TOM1L2: variants seen among roughly 807,000 people sequenced by gnomAD.
The protein encoded by TOM1L2 is target of myb1 like 2 membrane trafficking protein, also known as TOM1-like protein 2.
TOM1L2 carries 31 observed loss-of-function variants against 67.9 expected under a neutral mutation model. That is an observed-to-expected ratio of 0.46 (90% CI 0.34 to 0.62). The LOEUF (loss-of-function observed/expected upper bound fraction) is 0.62. Among genes scored for constraint, TOM1L2 ranks in the 20% least tolerant of loss-of-function variants. TOM1L2 has a pLI of 0.01. For synonymous variants in TOM1L2, 256 were observed against 254.0 expected (o/e 1.01, Z -0.07); for missense variants, 606 against 663.5 (o/e 0.91, Z 0.95).
rs369528742 is a variant in TOM1L2, at chr17:17,963,139, G to A, written c.52+9123C>T. Among the ~76,000 whole-genome samples the A allele has an allele frequency of 4.3e-4, 66 of 152,090 alleles. 1 individual carries two copies. In the East Asian group the frequency reaches 0.011, roughly 25 times the overall value. The stretch of plus-strand genomic sequence containing the variant: ...AAGATGTGATGGTGCAAGTGTTCTT[G>A]TACTCCCTTCACCACCACAGTTTAC... On this transcript the variant is annotated intron_variant, in intron 1 of 14. Transcript: ENST00000379504.
At position 17,875,289 on chromosome 17, in the gene TOM1L2, A is replaced by T. The variant is rs528882376; in HGVS notation, c.777+4338T>A. Among the ~76,000 whole-genome samples the T allele has an allele frequency of 5.0e-4, 76 of 150,670 alleles. 1 individual carries two copies. Among genetic ancestry groups the T allele is most frequent in the Admixed American group, 1.3e-3 (20 of 15,144 alleles). ...AAAAAGAAAAAAAAAAAAAAAGGAC[A>T]GAAGGTGAGAAGGTGAAAGGAGGGC... On this transcript the variant is annotated intron_variant, in intron 7 of 14. Transcript: ENST00000379504.
chr17:17,929,085 CT>C (rs1302541358), intron 1 of TOM1L2, among the ~76,000 whole-genome samples: 1 of 152,176 alleles, frequency 6.6e-6, no homozygotes, highest in African/African-American at 2.4e-5. Flanking sequence ...CGGGCCTTTC[CT>C]TGGCTACTTA....
intron 2 of TOM1L2, among the ~76,000 whole-genome samples, chr17:17,902,092 C>T (rs1400316379): frequency 6.6e-6 from 1 of 152,194 alleles, no homozygotes; most frequent in Admixed American, 6.5e-5. Flanking sequence ...AGGAGAATTG[C>T]TTGAGCCTGG....
chr17:17,857,847 CAGAAAAGTCTCAGAA>C (rs1264619064), intron 12 of TOM1L2: 2 of 1,535,594 alleles, frequency 1.3e-6, no homozygotes, highest in South Asian at 2.4e-5. Context: ...GGGCCGAGGA[CAGAAAAGTCTCAGAA>C]AGAAAAGTCA....
At chr17:17,962,616 A>G (rs958671099) in intron 1 of TOM1L2, among the ~76,000 whole-genome samples, 5 of 151,974 alleles carry the variant, frequency 3.3e-5, no homozygotes, top group African/African-American at 1.2e-4. Context: ...GACTGGCCCA[A>G]TGTGAATATA....
At position 17,845,777 on chromosome 17, in the gene TOM1L2, G is replaced by C. The variant is rs1222567425; in HGVS notation, c.*1858C>G. On this transcript the variant is annotated 3_prime_UTR_variant, in exon 15 of 15. Transcript: ENST00000379504. ...GTCTTCACATTCAAGCTGGCCTCAG[G>C]GGGGTCTGTCTTTGAGAAACATTGA... 6.6e-6 allele frequency: 1 copy of C among 152,316 alleles called. No homozygotes were observed. The highest frequency in any genetic ancestry group is 2.4e-5 in the African/African-American group (1 of 41,462). 9.4% of individuals were successfully genotyped at this position (152,316 alleles called of 1,614,324 possible).
rs2035583511 is a variant in TOM1L2, at chr17:17,845,280, A to T, written c.*2355T>A. ...GGCCAATGGCCTCCTGCCAGCCCATACAGGTCCACCACTCCCTGCTGCCCC... is the reference window on the plus strand; with the variant it reads ...GGCCAATGGCCTCCTGCCAGCCCATTCAGGTCCACCACTCCCTGCTGCCCC... On this transcript the variant is annotated 3_prime_UTR_variant, in exon 15 of 15. Transcript: ENST00000379504. 1 of 152,180 alleles carries T rather than the reference A, an allele frequency of 6.6e-6. No homozygotes were observed. The highest frequency in any genetic ancestry group is 2.4e-5 in the African/African-American group (1 of 41,450). 9.4% of individuals were successfully genotyped at this position (152,180 alleles called of 1,614,324 possible).
intron 1 of TOM1L2, among the ~76,000 whole-genome samples, chr17:17,944,260 C>T (rs529602661): frequency 9.2e-5 from 14 of 152,352 alleles, no homozygotes; most frequent in African/African-American, 3.1e-4. Context: ...CAGGTGAGGA[C>T]GGCAGGATGC....
intron 4 of TOM1L2, among the ~76,000 whole-genome samples, chr17:17,890,997 G>T (rs912151983): frequency 1.3e-5 from 2 of 152,282 alleles, no homozygotes; most frequent in Middle Eastern, 3.4e-3. Context: ...AGCTCTTCAG[G>T]AACACTGCAA....
chr17:17,863,529 T>C (rs564658164), intron 10 of TOM1L2: 4 of 149,770 alleles, frequency 2.7e-5, no homozygotes, highest in African/African-American at 9.8e-5. Flanking sequence ...ATACCTCAAA[T>C]GCCAGGTAAA....
At chr17:17,892,786 GA>G (rs1395474621) in intron 4 of TOM1L2, among the ~76,000 whole-genome samples, 1 of 152,032 alleles carries the variant, frequency 6.6e-6, no homozygotes, top group African/African-American at 2.4e-5. Context: ...GAATATAACA[GA>G]AAAAAATGGT....
intron 1 of TOM1L2, among the ~76,000 whole-genome samples, chr17:17,960,064 C>T (rs1369223469): frequency 6.6e-6 from 1 of 152,214 alleles, no homozygotes; most frequent in Non-Finnish European, 1.5e-5. Flanking sequence ...AGAAAACTTA[C>T]TGGTATGAAG....
intron 11 of TOM1L2, chr17:17,862,295 T>A (rs1050379231): frequency 2.6e-5 from 4 of 155,510 alleles, no homozygotes; most frequent in African/African-American, 9.6e-5. Context: ...AGAGCTGCTA[T>A]CAGAGGAGCC....
chr17:17,889,674 C>T (rs548859282), intron 4 of TOM1L2, among the ~76,000 whole-genome samples: 3 of 152,286 alleles, frequency 2.0e-5, no homozygotes, highest in South Asian at 2.1e-4. Context: ...CTAACACATT[C>T]GATCTACTTT....
rs1481991139 is a variant in TOM1L2, at chr17:17,972,345, C to G, written c.-32G>C. 3.2e-6 allele frequency: 5 copies of G among 1,548,788 alleles called. No homozygotes were observed. In the East Asian group the frequency reaches 9.8e-5, roughly 30 times the overall value. On this transcript the variant is annotated 5_prime_UTR_variant, in exon 1 of 15. Coordinates refer to ENST00000379504, the MANE Select transcript of TOM1L2 (RefSeq NM_001082968.2). ...TGGACAACACGCAGCGGCCCGGGCC[C>G]CCTGTCTGCCACCTAGGCCTCCGCT...
chr17:17,933,637 T>C (rs924624918), intron 1 of TOM1L2, among the ~76,000 whole-genome samples: 3 of 152,282 alleles, frequency 2.0e-5, no homozygotes, highest in South Asian at 2.1e-4. Context: ...ACAGTACTTA[T>C]GCAGAGGTCT....
chr17:17,876,451 G>T (rs2037426195), intron 7 of TOM1L2, among the ~76,000 whole-genome samples: 2 of 152,140 alleles, frequency 1.3e-5, no homozygotes, highest in South Asian at 4.2e-4. Flanking sequence ...GGGGCTTATG[G>T]CAATCTTCAA....
At chr17:17,908,934 G>A (rs1047620653) in intron 1 of TOM1L2, among the ~76,000 whole-genome samples, 3 of 152,292 alleles carry the variant, frequency 2.0e-5, no homozygotes, top group Non-Finnish European at 2.9e-5. Context: ...TGTAATCCCA[G>A]CACTTTGGGA....
At position 17,845,976 on chromosome 17, in the gene TOM1L2, G is replaced by C. The variant is rs1388249399; in HGVS notation, c.*1659C>G. On this transcript the variant is annotated 3_prime_UTR_variant, in exon 15 of 15. Transcript: ENST00000379504. ...CTAGTCCCACCCTCAGCCAGACAGA[G>C]GTTTCCTCTCTGGAGGGAGCTGGAG... The C allele has an allele frequency of 6.6e-6, 1 of 152,374 alleles. No individual in the cohort carries two copies. The highest frequency in any genetic ancestry group is 2.4e-5 in the African/African-American group (1 of 41,466). 9.4% of individuals were successfully genotyped at this position (152,374 alleles called of 1,614,324 possible). A position where few individuals can be genotyped will look rare whatever the true frequency, so the allele number is the denominator to read the frequency against.
Sources: allele counts gnomAD v4.1 joint callset (sites outside exome capture counted in the v4.1 genomes callset), GRCh38; gene constraint gnomAD v4.1.1; transcripts MANE v1.5; gene names NCBI Gene and HGNC (gene_info 2026-07-23, HGNC 2026-07-21).